The following PLB1 variants were observed in gnomAD, a reference collection of about 807,000 sequenced individuals.
The protein encoded by PLB1 is phospholipase B1, membrane-associated.
A neutral mutation model predicts 227.4 loss-of-function variants in PLB1; 242 were observed. The observed-to-expected ratio is 1.06, with a 90% CI of 0.96 to 1.18. PLB1 has a LOEUF of 1.18. Among genes scored for constraint, PLB1 ranks in the 50% most tolerant of loss-of-function variants. The pLI, the probability that PLB1 is intolerant of heterozygous loss-of-function variation, is 0.00. For missense variants in PLB1, 1,858 were observed against 1,816.3 expected, an observed-to-expected ratio of 1.02 and a Z score of -0.42; for synonymous variants, 757 against 682.2, an observed-to-expected ratio of 1.11 and a Z score of -1.71.
In PLB1 at chr2:28,516,872, A is replaced by C. The variant is rs765353341; in HGVS notation, c.117+3A>C. 18 of 1,613,372 alleles carry C rather than the reference A, an allele frequency of 1.1e-5. No individual in the cohort carries two copies. The highest frequency in any genetic ancestry group is 1.5e-5 in the Non-Finnish European group (18 of 1,179,342). Reference sequence around the variant, plus strand: ...TGGAAGGGCAGCTATGGCCAGAGGTAAGGGCTTTGGCTGGTGGGAGGTGCG... The same window carrying C: ...TGGAAGGGCAGCTATGGCCAGAGGTCAGGGCTTTGGCTGGTGGGAGGTGCG... On this transcript the variant is annotated splice_donor_region_variant and intron_variant, in intron 2 of 57. Coordinates refer to ENST00000327757, the MANE Select transcript of PLB1 (RefSeq NM_153021.5).
chr2:28,564,391 C>G (rs1212255909), intron 18 of PLB1, among the ~76,000 whole-genome samples: 2 of 152,168 alleles, frequency 1.3e-5, no homozygotes, highest in African/African-American at 2.4e-5. Flanking sequence ...CTCCGTGGCC[C>G]CTCAGCCACT....
rs758566620 is a variant in PLB1, at chr2:28,630,657, A to T, written c.3890A>T (p.Asn1297Ile). 7 of 1,611,468 alleles carry T rather than the reference A, an allele frequency of 4.3e-6. No individual in the cohort carries two copies. Among genetic ancestry groups the T allele is most frequent in the Admixed American group, 1.7e-5 (1 of 59,736 alleles). Reference protein sequence around the residue: ...EKQELKKVNWNLQHGISSFSY... With the variant: ...EKQELKKVNWILQHGISSFSY... ...CAAGAACTGAAGAAAGTGAACTGGAACCTCCAGGTAAGCCCTGCAGCCCTT... is the reference window on the plus strand; with the variant it reads ...CAAGAACTGAAGAAAGTGAACTGGATCCTCCAGGTAAGCCCTGCAGCCCTT... Residue 1297 changes from asparagine to isoleucine, a missense_variant, in exon 54 of 58, where the codon AAC becomes ATC. By Grantham distance (149) the Asn-to-Ile change is moderately radical. Transcript: ENST00000327757.
intron 33 of PLB1, 149 bp from the exon 34 acceptor site, chr2:28,597,856 A>C: frequency 1.3e-6 from 1 of 753,676 alleles, no homozygotes. Flanking sequence ...ATTTTCTCAG[A>C]ATTCCTCAAA....
At chr2:28,602,726 G>A (rs1053274351) in intron 38 of PLB1, 95 bp from the exon 39 acceptor site, 2 of 1,095,624 alleles carry the variant, frequency 1.8e-6, no homozygotes, top group African/African-American at 3.1e-5. Flanking sequence ...GAAAGACCAA[G>A]CTGGATTGCT....
chr2:28,632,870 T>C (rs1226908995), intron 55 of PLB1, 74 bp from the exon 56 acceptor site: 1 of 1,107,152 alleles, frequency 9.0e-7, no homozygotes, highest in African/African-American at 1.5e-5. Context: ...CCAGGGCACC[T>C]GCTGGGAGAG....
rs117046614 is a variant in PLB1 at position 28,635,628 on chromosome 2, A to T, written c.4098+2589A>T. Among the ~76,000 whole-genome samples the T allele has an allele frequency of 1.2e-3, 138 of 119,386 alleles. No homozygotes were observed. In the East Asian group the frequency reaches 0.024, roughly 21 times the overall value. 78.3% of individuals were successfully genotyped at this position (119,386 alleles called of 152,430 possible). On this transcript the variant is annotated intron_variant, in intron 56 of 57. Coordinates refer to ENST00000327757, the MANE Select transcript of PLB1 (RefSeq NM_153021.5). ...TTCCCAGGGTTCCCTACTAGGAAGC[A>T]AAAAGCACCTTAAACTATTTCATCT...
At chr2:28,626,691 G>A in intron 51 of PLB1, 183 bp downstream of exon 51, 2 of 625,056 alleles carry the variant, frequency 3.2e-6, no homozygotes, top group Non-Finnish European at 2.8e-6. Flanking sequence ...TCTACTGCCT[G>A]AGCGACCCCT....
intron 35 of PLB1, among the ~76,000 whole-genome samples, chr2:28,599,116 A>C (rs945460934): frequency 1.3e-5 from 2 of 152,258 alleles, no homozygotes; most frequent in African/African-American, 4.8e-5. Flanking sequence ...AATTTCCCAA[A>C]AAGATCAGAG....
At chr2:28,554,571 G>A (rs1558746412) in intron 17 of PLB1, among the ~76,000 whole-genome samples, 1 of 145,400 alleles carries the variant, frequency 6.9e-6, no homozygotes, top group Non-Finnish European at 1.5e-5. Flanking sequence ...CCAGGCTCAG[G>A]CGATCCTCCA....
At chr2:28,613,952 AGGATTGTT>A in intron 43 of PLB1, 71 bp from the exon 44 acceptor site, 2 of 1,097,716 alleles carry the variant, frequency 1.8e-6, no homozygotes, top group Non-Finnish European at 2.8e-6. Context: ...TCTACAGGGC[AGGATTGTT>A]AGTTTTTCTC....
chr2:28,573,933 C>A (rs909084996), intron 21 of PLB1, among the ~76,000 whole-genome samples: 1 of 152,204 alleles, frequency 6.6e-6, no homozygotes, highest in Middle Eastern at 3.2e-3. Context: ...AGTAATGCAG[C>A]AAGGTGGCAG....
chr2:28,614,194 G>C, intron 44 of PLB1, 98 bp downstream of exon 44: 1 of 1,147,730 alleles, frequency 8.7e-7, no homozygotes, highest in Non-Finnish European at 1.3e-6. Flanking sequence ...CACTGAAGCA[G>C]AAATGTACTT....
rs192324892 is a variant in PLB1, at chr2:28,515,243, A to C, written c.56-1565A>C. ...TTCCACTCCCCCTGGAGTGATGATC[A>C]CCTTAAAATCATCTCTTCAGAGACT... is the stretch of plus-strand genomic sequence containing the variant. On this transcript the variant is annotated intron_variant, in intron 1 of 57. Transcript: ENST00000327757. Among the ~76,000 whole-genome samples the C allele has an allele frequency of 1.8e-3, 281 of 152,172 alleles. 1 individual carries two copies. The highest frequency in any genetic ancestry group is 5.4e-3 in the Admixed American group (82 of 15,284).
intron 11 of PLB1, among the ~76,000 whole-genome samples, chr2:28,539,819 C>T (rs186693007): frequency 8.0e-4 from 121 of 151,770 alleles, no homozygotes; most frequent in Middle Eastern, 3.4e-3. Flanking sequence ...GAACAGTGAG[C>T]GGGGAGGAGG....
chr2:28,528,732 T>C (rs1670605858), intron 6 of PLB1, among the ~76,000 whole-genome samples: 1 of 152,156 alleles, frequency 6.6e-6, no homozygotes, highest in Non-Finnish European at 1.5e-5. Context: ...AGATAACGCA[T>C]GTAAAGCGCT....
intron 46 of PLB1, 112 bp from the exon 47 acceptor site, chr2:28,620,153 A>G: frequency 1.6e-6 from 1 of 644,334 alleles, no homozygotes; most frequent in Non-Finnish European, 2.6e-6. Flanking sequence ...AGCCGGTACT[A>G]TTTTTAGAAA....
chr2:28,584,052 C>A (rs1348219700), intron 25 of PLB1, among the ~76,000 whole-genome samples: 4 of 152,100 alleles, frequency 2.6e-5, no homozygotes, highest in African/African-American at 9.7e-5. Context: ...GCTCCCCTAC[C>A]CTGCCCCCCA....
intron 17 of PLB1, among the ~76,000 whole-genome samples, chr2:28,553,633 G>A (rs571647997): frequency 6.6e-6 from 1 of 152,300 alleles, no homozygotes; most frequent in East Asian, 1.9e-4. Context: ...GGTGACCTGA[G>A]TGACTCAAAA....
Position 28,585,748 on chromosome 2 carries a change from G to T in PLB1, c.1734-13G>T. 4 of 1,586,506 alleles carry T rather than the reference G, an allele frequency of 2.5e-6. No homozygotes were observed. Among genetic ancestry groups the T allele is most frequent in the Non-Finnish European group, 3.5e-6 (4 of 1,154,968 alleles). ...TTGGTGGGATGAGGGTTTCTCTTTGGTTTGGTCTACAGGTCTCTGTGTCCC... is the reference window on the plus strand; with the variant it reads ...TTGGTGGGATGAGGGTTTCTCTTTGTTTTGGTCTACAGGTCTCTGTGTCCC... On this transcript the variant is annotated splice_polypyrimidine_tract_variant and intron_variant, in intron 25 of 57. Coordinates refer to ENST00000327757, the MANE Select transcript of PLB1 (RefSeq NM_153021.5).
Sources: gnomAD v4.1 joint callset for allele counts (sites outside exome capture counted in the v4.1 genomes callset) on GRCh38, gnomAD v4.1.1 for gene constraint, MANE v1.5 for transcripts, NCBI Gene and HGNC (gene_info 2026-07-23, HGNC 2026-07-21) for gene names.